The following SEPTIN14 variants were observed in gnomAD, a reference collection of about 807,000 sequenced individuals.
SEPTIN14 encodes the protein septin-14.
A neutral mutation model predicts 53.6 loss-of-function variants in SEPTIN14; 40 were observed. That is an observed-to-expected ratio of 0.75 (90% CI 0.58 to 0.97). The LOEUF is 0.97. SEPTIN14 is among the 50% of genes least tolerant of loss of function. The pLI is 0.00. For missense variants in SEPTIN14, 471 were observed against 508.2 expected, an observed-to-expected ratio of 0.93 and a Z score of 0.70; for synonymous variants, 138 against 166.8, an observed-to-expected ratio of 0.83 and a Z score of 1.33.
intron 2 of SEPTIN14, among the ~76,000 whole-genome samples, chr7:55,857,091 G>T (rs1027814225): frequency 1.3e-5 from 2 of 151,488 alleles, no homozygotes; most frequent in African/African-American, 4.8e-5. Flanking sequence ...AAAGAAAACA[G>T]GATGGGCGTG....
chr7:55,861,862 G>A, intron 2 of SEPTIN14, 81 bp downstream of exon 2: 1 of 882,166 alleles, frequency 1.1e-6, no homozygotes, highest in Non-Finnish European at 1.7e-6. Context: ...GCCTACATCA[G>A]TTTTCCAAGT....
chr7:55,814,517 C>T (rs1788760777), intron 7 of SEPTIN14, among the ~76,000 whole-genome samples: 1 of 151,922 alleles, frequency 6.6e-6, no homozygotes, highest in African/African-American at 2.4e-5. Context: ...CAACAGTGAA[C>T]AATCTGAAAA....
chr7:55,798,582 G>A (rs1198662555), intron 9 of SEPTIN14: 5 of 379,690 alleles, frequency 1.3e-5, no homozygotes, highest in South Asian at 4.5e-5. Context: ...AAGGATGGAC[G>A]CAGCCCCAAC....
chr7:55,803,420 C>CA (rs775640929), intron 9 of SEPTIN14, among the ~76,000 whole-genome samples: 17 of 151,214 alleles, frequency 1.1e-4, no homozygotes, highest in Non-Finnish European at 2.2e-4. Flanking sequence ...TAAGTATTTA[C>CA]AAAAAAAGGT....
intron 6 of SEPTIN14, among the ~76,000 whole-genome samples, chr7:55,824,956 A>T (rs1003176475): frequency 6.6e-6 from 1 of 152,170 alleles, no homozygotes; most frequent in African/African-American, 2.4e-5. Context: ...TCGAAACTAA[A>T]CGTACTTTTA....
At chr7:55,858,910 TAAAAG>T (rs1789695753) in intron 2 of SEPTIN14, among the ~76,000 whole-genome samples, 1 of 152,142 alleles carries the variant, frequency 6.6e-6, no homozygotes, top group African/African-American at 2.4e-5. Flanking sequence ...AAAGGCCTGG[TAAAAG>T]AAAAGGCATG....
Position 55,805,243 on chromosome 7 carries a change from A to T in SEPTIN14, c.1119+15T>A, listed in dbSNP as rs1788592488. ...TAAAAATTAATACAAATTATATCAA[A>T]CTGTCAGTACTAACCTCTTTTTCAG... On this transcript the variant is annotated intron_variant, in intron 9 of 9. Transcript: ENST00000388975. The T allele has an allele frequency of 6.2e-7, 1 of 1,600,326 alleles. No individual in the cohort carries two copies. The highest frequency in any genetic ancestry group is 1.7e-5 in the Admixed American group (1 of 57,712).
intron 9 of SEPTIN14, among the ~76,000 whole-genome samples, chr7:55,802,040 C>A: frequency 6.8e-6 from 1 of 148,030 alleles, no homozygotes; most frequent in Non-Finnish European, 1.5e-5. Flanking sequence ...TGCTCTGTCT[C>A]CAAGGCTGGA....
chr7:55,817,419 G>A (rs184915997), intron 7 of SEPTIN14, among the ~76,000 whole-genome samples: 1 of 151,466 alleles, frequency 6.6e-6, no homozygotes, highest in East Asian at 1.9e-4. Flanking sequence ...AAGTTAAAGA[G>A]ATCTATTGTA....
At chr7:55,826,821 A>C (rs1788997038) in intron 6 of SEPTIN14, among the ~76,000 whole-genome samples, 1 of 151,872 alleles carries the variant, frequency 6.6e-6, no homozygotes, top group South Asian at 2.1e-4. Context: ...AAAAAGAATA[A>C]AGAACAATGC....
chr7:55,830,200 TG>T (rs1412892044), intron 6 of SEPTIN14, among the ~76,000 whole-genome samples: 1 of 149,304 alleles, frequency 6.7e-6, no homozygotes, highest in African/African-American at 2.5e-5. Flanking sequence ...AGGACTTGCA[TG>T]TTTTTTTCTT....
chr7:55,846,398 C>A, intron 3 of SEPTIN14, 119 bp downstream of exon 3: 1 of 690,728 alleles, frequency 1.4e-6, no homozygotes, highest in South Asian at 2.6e-5. Context: ...AGATGAGAAT[C>A]ACTGTAAACA....
chr7:55,807,938 G>A (rs975171830), intron 7 of SEPTIN14, among the ~76,000 whole-genome samples: 1 of 151,966 alleles, frequency 6.6e-6, no homozygotes, highest in Non-Finnish European at 1.5e-5. Flanking sequence ...TGATGAAGAG[G>A]TCAGTTCATT....
intron 5 of SEPTIN14, among the ~76,000 whole-genome samples, chr7:55,835,689 T>C (rs910663400): frequency 1.3e-5 from 2 of 152,114 alleles, no homozygotes; most frequent in Non-Finnish European, 2.9e-5. Flanking sequence ...TGCAGATAGA[T>C]TTGCTATTGT....
chr7:55,829,911 G>A (rs1789066312), intron 6 of SEPTIN14, among the ~76,000 whole-genome samples: 1 of 151,596 alleles, frequency 6.6e-6, no homozygotes, highest in African/African-American at 2.4e-5. Context: ...AGGCGCGGTG[G>A]CTCACGCCTG....
chr7:55,798,301 G>A (rs988235278), intron 9 of SEPTIN14: 18 of 415,166 alleles, frequency 4.3e-5, no homozygotes, highest in East Asian at 2.6e-4. Context: ...GACCCTGGGC[G>A]GCCCCCTGAA....
intron 7 of SEPTIN14, among the ~76,000 whole-genome samples, chr7:55,817,588 G>T (rs1406482492): frequency 1.3e-5 from 2 of 150,074 alleles, no homozygotes; most frequent in Non-Finnish European, 1.5e-5. Context: ...TCCTGCCTCA[G>T]CCTCCCAAGT....
intron 7 of SEPTIN14, among the ~76,000 whole-genome samples, chr7:55,814,559 TATAAA>T (rs1236715341): frequency 6.6e-6 from 1 of 152,082 alleles, no homozygotes; most frequent in Non-Finnish European, 1.5e-5. Context: ...TTATGACAGC[TATAAA>T]ATAAAATACC....
chr7:55,819,283 C>T, intron 6 of SEPTIN14, 60 bp from the exon 7 acceptor site: 7 of 1,176,772 alleles, frequency 5.9e-6, no homozygotes, highest in Non-Finnish European at 8.6e-6. Flanking sequence ...TACTCTATTA[C>T]TCTCATTCCT....
Sources: allele counts gnomAD v4.1 joint callset (sites outside exome capture counted in the v4.1 genomes callset), GRCh38; gene constraint gnomAD v4.1.1; transcripts MANE v1.5; gene names NCBI Gene and HGNC (gene_info 2026-07-23, HGNC 2026-07-21).